Variants in SHTN1 observed in about 807,000 individuals in gnomAD.
SHTN1 encodes the protein shootin 1.
A neutral mutation model predicts 83.1 loss-of-function variants in SHTN1; 42 were observed. The ratio of observed to expected loss-of-function variants is 0.51; its 90% CI spans 0.39 to 0.65. SHTN1 has a LOEUF of 0.65. Ranked by LOEUF, SHTN1 falls within the 30% of genes least tolerant of loss-of-function variation. The pLI, the probability that SHTN1 is intolerant of heterozygous loss-of-function variation, is 0.00. For synonymous variants in SHTN1, 224 were observed against 247.7 expected (o/e 0.90, Z 0.90); for missense variants, 622 against 737.8 (o/e 0.84, Z 1.82).
chr10:117,122,663 C>T (rs756696961), intron 1 of SHTN1, among the ~76,000 whole-genome samples: 4 of 152,118 alleles, frequency 2.6e-5, no homozygotes, highest in Non-Finnish European at 4.4e-5. Flanking sequence ...CCTAGGGACC[C>T]AAATAAGCTG....
At chr10:116,886,587 CA>C (rs748204859) in intron 16 of SHTN1, 21 bp from the exon 17 acceptor site, 10 of 1,607,536 alleles carry the variant, frequency 6.2e-6, no homozygotes, top group South Asian at 1.1e-5. Flanking sequence ...AAGAGTTAGA[CA>C]AAAAAAGTAA....
chr10:116,911,358 C>A, intron 14 of SHTN1: 1 of 1,124,184 alleles, frequency 8.9e-7, no homozygotes, highest in Non-Finnish European at 1.2e-6. Context: ...GAAAGGCAGA[C>A]TGTGACCCTG....
At chr10:116,964,070 A>ATTCTCT (rs1850305554) in intron 3 of SHTN1, among the ~76,000 whole-genome samples, 1 of 151,996 alleles carries the variant, frequency 6.6e-6, no homozygotes, top group African/African-American at 2.4e-5. Context: ...ACCTAGCACA[A>ATTCTCT]TGCTACATGC....
Position 116,886,250 on chromosome 10 carries a change from G to A in SHTN1, c.*94C>T, listed in dbSNP as rs1589771816. The A allele has an allele frequency of 1.3e-6, 2 of 1,506,262 alleles. No homozygotes were observed. Among genetic ancestry groups the A allele is most frequent in the African/African-American group, 1.4e-5 (1 of 72,112 alleles). The allele number at this position is 1,506,262 out of a possible 1,614,324, so 93.3% of individuals were successfully genotyped here. A position where few individuals can be genotyped will look rare whatever the true frequency, so the allele number is the denominator to read the frequency against. ...ACCTGTATTCTGAATACAGTGACCA[G>A]AGCAGAATGTCTACAGCCCTTGCCA... On this transcript the variant is annotated 3_prime_UTR_variant, in exon 17 of 17. Coordinates refer to ENST00000355371, the MANE Select transcript of SHTN1 (RefSeq NM_001127211.3).
chr10:117,031,261 TC>T (rs956204332), intron 2 of SHTN1, among the ~76,000 whole-genome samples: 3 of 152,172 alleles, frequency 2.0e-5, no homozygotes, highest in African/African-American at 7.2e-5. Context: ...AGTAAAAATA[TC>T]CTTCAAATGT....
At chr10:117,012,995 A>AT (rs1408805530) in intron 2 of SHTN1, among the ~76,000 whole-genome samples, 1 of 152,088 alleles carries the variant, frequency 6.6e-6, no homozygotes, top group Non-Finnish European at 1.5e-5. Context: ...GAGCTGGAGG[A>AT]TTTTGAGCCT....
intron 15 of SHTN1, among the ~76,000 whole-genome samples, chr10:116,902,559 G>C (rs990573198): frequency 3.3e-5 from 5 of 152,062 alleles, no homozygotes; most frequent in African/African-American, 1.2e-4. Context: ...TTTAGGACAG[G>C]ATTTAAAAAC....
chr10:116,894,580 C>T (rs1000348917), intron 16 of SHTN1, among the ~76,000 whole-genome samples: 2 of 152,126 alleles, frequency 1.3e-5, no homozygotes, highest in Admixed American at 6.6e-5. Flanking sequence ...ATGACCAAGA[C>T]GACACAGCTA....
intron 12 of SHTN1, among the ~76,000 whole-genome samples, chr10:116,920,825 C>A (rs564902898): frequency 7.9e-5 from 12 of 152,080 alleles, no homozygotes; most frequent in Admixed American, 6.6e-4. Context: ...CCTTTGAATC[C>A]ACTGCTCCTC....
intron 7 of SHTN1, among the ~76,000 whole-genome samples, chr10:116,945,724 T>TGGCA (rs1849549259): frequency 6.6e-6 from 1 of 152,188 alleles, no homozygotes; most frequent in African/African-American, 2.4e-5. Context: ...ATTTGACATT[T>TGGCA]GGCATGTGTC....
In SHTN1 at chr10:116,882,693, T is replaced by C. The variant is rs952827946; in HGVS notation, c.*3651A>G. 1.2e-4 allele frequency: 19 copies of C among 152,338 alleles called. No individual in the cohort carries two copies. The highest frequency in any genetic ancestry group is 4.3e-4 in the African/African-American group (18 of 41,582). The allele number at this position is 152,338 out of a possible 1,614,324, so 9.4% of individuals were successfully genotyped here. A position where few individuals can be genotyped will look rare whatever the true frequency, so the allele number is the denominator to read the frequency against. On this transcript the variant is annotated 3_prime_UTR_variant, in exon 17 of 17. Coordinates refer to ENST00000355371, the MANE Select transcript of SHTN1 (RefSeq NM_001127211.3). ...TAAGCACACTGAGGACCTCTCCTTT[T>C]AAAGAGTACTAACAAGGGACCTTAA...
intron 3 of SHTN1, among the ~76,000 whole-genome samples, chr10:116,961,722 A>G (rs541518853): frequency 1.3e-5 from 2 of 152,200 alleles, no homozygotes; most frequent in Non-Finnish European, 2.9e-5. Context: ...AATAAACAGG[A>G]TTGGAAGTGA....
At chr10:116,949,997 A>C (rs776160249) in intron 6 of SHTN1, among the ~76,000 whole-genome samples, 1 of 152,202 alleles carries the variant, frequency 6.6e-6, no homozygotes, top group African/African-American at 2.4e-5. Context: ...TGTAGTGAAC[A>C]TGTAAATATA....
intron 7 of SHTN1, among the ~76,000 whole-genome samples, chr10:116,947,982 G>T (rs542877495): frequency 5.8e-4 from 88 of 152,248 alleles, no homozygotes; most frequent in Admixed American, 3.6e-3. Context: ...CAAAAAGATT[G>T]ACAGCTACCA....
intron 2 of SHTN1, among the ~76,000 whole-genome samples, chr10:117,013,829 TTTA>T (rs748077734): frequency 9.9e-5 from 15 of 152,234 alleles, no homozygotes; most frequent in Admixed American, 6.5e-5. Context: ...TTATAACAGC[TTTA>T]TTAATAATCA....
At chr10:117,110,475 C>G (rs776711794) in intron 1 of SHTN1, among the ~76,000 whole-genome samples, 16 of 152,008 alleles carry the variant, frequency 1.1e-4, no homozygotes, top group Non-Finnish European at 2.1e-4. Context: ...CCTCAGTCTC[C>G]TGAGTAGGTG....
At chr10:117,076,317 T>C (rs1250805731) in intron 1 of SHTN1, among the ~76,000 whole-genome samples, 1 of 152,188 alleles carries the variant, frequency 6.6e-6, no homozygotes, top group Non-Finnish European at 1.5e-5. Context: ...TGGATTGATT[T>C]GACATACAGT....
chr10:117,027,436 C>G (rs1198704673), intron 2 of SHTN1, among the ~76,000 whole-genome samples: 1 of 152,276 alleles, frequency 6.6e-6, no homozygotes, highest in South Asian at 2.1e-4. Context: ...GCTTCCTGTA[C>G]AGCATGTGGA....
intron 2 of SHTN1, among the ~76,000 whole-genome samples, chr10:116,977,553 G>A (rs901161412): frequency 3.9e-5 from 6 of 152,238 alleles, no homozygotes; most frequent in South Asian, 2.1e-4. Context: ...CAGGATCTAA[G>A]AAAAACCTCC....
Sources: gnomAD v4.1 joint callset for allele counts (sites outside exome capture counted in the v4.1 genomes callset) on GRCh38, gnomAD v4.1.1 for gene constraint, MANE v1.5 for transcripts, NCBI Gene and HGNC (gene_info 2026-07-23, HGNC 2026-07-21) for gene names.